The following COL5A2 variants were observed in gnomAD, a reference collection of about 807,000 sequenced individuals.
COL5A2 encodes collagen alpha-2(V) chain.
COL5A2 carries 23 observed loss-of-function variants against 208.2 expected under a neutral mutation model. That is an observed-to-expected ratio of 0.11 (90% CI 0.08 to 0.16). The LOEUF (loss-of-function observed/expected upper bound fraction) is 0.16, where lower values mean the gene tolerates loss of function less well. Ranked by LOEUF, COL5A2 falls within the 10% of genes least tolerant of loss-of-function variation. The pLI is 1.00. For missense variants in COL5A2, 1,590 were observed against 1,956.4 expected (o/e 0.81, Z 3.53); for synonymous variants, 625 against 628.5 (o/e 0.99, Z 0.08).
At chr2:189,409,858 C>A in the COL5A2 span, among the ~76,000 whole-genome samples, 1 of 152,134 alleles carries the variant, frequency 6.6e-6, no homozygotes, top group Non-Finnish European at 1.5e-5. Flanking sequence ...ACACCCAAAC[C>A]ACAGTTTGAT....
intron 53 of COL5A2, 42 bp downstream of exon 53, chr2:189,034,874 T>A (rs1379787658): frequency 1.2e-6 from 2 of 1,612,872 alleles, no homozygotes; most frequent in South Asian, 1.1e-5. Context: ...AAAAATAATT[T>A]TTTTTCCTCA....
intron 1 of COL5A2, among the ~76,000 whole-genome samples, chr2:189,171,104 A>G (rs1224583260): frequency 6.6e-6 from 1 of 151,932 alleles, no homozygotes; most frequent in Non-Finnish European, 1.5e-5. Context: ...GGGGATAGAG[A>G]GAGAGTGAGA....
intron 21 of COL5A2, 105 bp from the exon 22 acceptor site, chr2:189,066,887 T>G (rs892473137): frequency 2.3e-6 from 2 of 883,692 alleles, no homozygotes; most frequent in Non-Finnish European, 3.8e-6. Context: ...TCCAGCTGAG[T>G]CGGTTTTGCA....
chr2:189,054,210 A>G lies in COL5A2; in HGVS notation c.2394T>C (p.Gly798=), dbSNP rs750322286. 3.7e-6 allele frequency: 6 copies of G among 1,613,692 alleles called. No homozygotes were observed. The highest frequency in any genetic ancestry group is 5.1e-6 in the Non-Finnish European group (6 of 1,179,552). ...EGTAGNDGAR[G]LPGPLGPPGP... ...CTGGAGGGCCCAAAGGACCTGGAAGACCCTGTCAATTAACAGAACATAGGC... is the reference window on the plus strand; with the variant it reads ...CTGGAGGGCCCAAAGGACCTGGAAGGCCCTGTCAATTAACAGAACATAGGC... The change falls in exon 36 of 54, where the codon GGT becomes GGC. Residue 798 remains glycine, a splice_region_variant and synonymous_variant. Transcript: ENST00000374866.
At chr2:189,328,775 C>G in the COL5A2 span, among the ~76,000 whole-genome samples, 1 of 152,152 alleles carries the variant, frequency 6.6e-6, no homozygotes, top group Non-Finnish European at 1.5e-5. Flanking sequence ...AATACAAAAG[C>G]CTGGTGAACT....
chr2:189,174,647 A>G (rs1440286450), intron 1 of COL5A2, among the ~76,000 whole-genome samples: 1 of 152,150 alleles, frequency 6.6e-6, no homozygotes, highest in Non-Finnish European at 1.5e-5. Flanking sequence ...CAAACTTCCT[A>G]GATATTTGGA....
At chr2:189,237,356 G>T in the COL5A2 span, among the ~76,000 whole-genome samples, 1 of 150,160 alleles carries the variant, frequency 6.7e-6, no homozygotes, top group Non-Finnish European at 1.5e-5. Flanking sequence ...TACAAAAGAG[G>T]ATAAGAATAA....
chr2:189,053,917 G>A lies in COL5A2; in HGVS notation c.2477C>T (p.Pro826Leu). ...GEPGPRGLVGPPGSRGNPGSR... is the reference protein window; with the variant it reads ...GEPGPRGLVGLPGSRGNPGSR... ...TACAGGATTGCCCCGGGAGCCAGGA[G>A]GGCCAACTAAACCTCGAGGACCAGG... The change falls in exon 37 of 54, where the codon CCT becomes CTT. Residue 826 changes from proline (P) to leucine (L), a missense_variant. Coordinates refer to ENST00000374866, the MANE Select transcript of COL5A2 (RefSeq NM_000393.5). The A allele has an allele frequency of 1.2e-6, 2 of 1,614,020 alleles. No individual in the cohort carries two copies. The highest frequency in any genetic ancestry group is 1.7e-6 in the Non-Finnish European group (2 of 1,179,976).
At chr2:189,297,145 C>T in the COL5A2 span, among the ~76,000 whole-genome samples, 754 of 152,264 alleles carry the variant, frequency 5.0e-3, 9 homozygotes, top group African/African-American at 0.017. Flanking sequence ...GATTGATTTC[C>T]AGTAACTTCA....
chr2:189,267,022 T>C, the COL5A2 span, among the ~76,000 whole-genome samples: 1 of 151,808 alleles, frequency 6.6e-6, no homozygotes, highest in Non-Finnish European at 1.5e-5. Flanking sequence ...AATGAATTGA[T>C]AAAAAGCATT....
intron 50 of COL5A2, among the ~76,000 whole-genome samples, chr2:189,040,618 C>A (rs962106814): frequency 7.2e-5 from 11 of 152,160 alleles, no homozygotes; most frequent in Non-Finnish European, 1.3e-4. Flanking sequence ...CTTTTACCTT[C>A]AGTGCCAATG....
intron 9 of COL5A2, 39 bp from the exon 10 acceptor site, chr2:189,085,811 A>G: frequency 1.3e-6 from 2 of 1,502,502 alleles, no homozygotes; most frequent in Non-Finnish European, 1.9e-6. Context: ...AACCAAGGAA[A>G]AATAGAATAT....
intron 1 of COL5A2, among the ~76,000 whole-genome samples, chr2:189,206,787 G>T (rs1445057480): frequency 6.6e-6 from 1 of 152,200 alleles, no homozygotes; most frequent in African/African-American, 2.4e-5. Context: ...TGTGAAAGAT[G>T]ACTTTGGAAG....
At chr2:189,319,734 G>A in the COL5A2 span, among the ~76,000 whole-genome samples, 2 of 152,240 alleles carry the variant, frequency 1.3e-5, no homozygotes, top group African/African-American at 4.8e-5. Context: ...CTCCACCTCT[G>A]GGAGCAGGGC....
chr2:189,217,546 A>G (rs1533618), intron 1 of COL5A2, among the ~76,000 whole-genome samples: 117,533 of 152,028 alleles, frequency 0.77, 48,067 homozygotes, highest in Non-Finnish European at 0.91. Flanking sequence ...ACACACATAC[A>G]TTATGGCTAA....
At chr2:189,043,634 T>C (rs1685605777) in intron 47 of COL5A2, among the ~76,000 whole-genome samples, 1 of 152,176 alleles carries the variant, frequency 6.6e-6, no homozygotes, top group South Asian at 2.1e-4. Flanking sequence ...TGCTACCATA[T>C]ATAGATTCTT....
At chr2:189,373,189 A>C in the COL5A2 span, among the ~76,000 whole-genome samples, 1 of 152,180 alleles carries the variant, frequency 6.6e-6, no homozygotes, top group Non-Finnish European at 1.5e-5. Flanking sequence ...TTAAGTAGAC[A>C]TTAATATCTC....
chr2:189,045,423 T>TGGTCACTA (rs1244755977), intron 46 of COL5A2, among the ~76,000 whole-genome samples, 191 bp from the exon 47 acceptor site: 3 of 151,788 alleles, frequency 2.0e-5, no homozygotes, highest in African/African-American at 7.3e-5. Flanking sequence ...GATAAGACTG[T>TGGTCACTA]GGTCACTATA....
the COL5A2 span, among the ~76,000 whole-genome samples, chr2:189,351,246 C>T: frequency 6.6e-6 from 1 of 152,196 alleles, no homozygotes; most frequent in African/African-American, 2.4e-5. Context: ...ATCATCAACT[C>T]ACATACCCTT....
Sources: allele counts gnomAD v4.1 joint callset (sites outside exome capture counted in the v4.1 genomes callset), GRCh38; gene constraint gnomAD v4.1.1; transcripts MANE v1.5; gene names NCBI Gene and HGNC (gene_info 2026-07-23, HGNC 2026-07-21).